Variants in MALT1 observed in about 807,000 individuals in gnomAD.
MALT1 encodes MALT1 paracaspase, also known as mucosa-associated lymphoid tissue lymphoma translocation protein 1.
Under a neutral mutation model 85.5 loss-of-function variants are expected in MALT1, and 36 were observed. That is an observed-to-expected ratio of 0.42 (90% CI 0.32 to 0.56). MALT1 has a LOEUF of 0.56. Ranked by LOEUF, MALT1 falls within the 20% of genes least tolerant of loss-of-function variation. The pLI is 0.10. For missense variants in MALT1, 716 were observed against 981.6 expected (o/e 0.73, Z 3.62); for synonymous variants, 359 against 361.3 (o/e 0.99, Z 0.07).
In MALT1 at chr18:58,747,714, C is replaced by T; in HGVS notation, c.2347C>T (p.Pro783Ser). ...AGATAGCTGTCATTGCAGCCGGACT[C>T]CAGATGCATTTATTTCAAGTTTCGC... ...PADSCHCSRT[P>S]DAFISSFAHH... Residue 783 changes from proline (P) to serine (S), a missense_variant, in exon 17 of 17, where the codon CCA becomes TCA. This residue lies in a region of MALT1 where 260 missense variants were observed against 323.7 expected (regional missense o/e 0.80). Coordinates refer to ENST00000649217, the MANE Select transcript of MALT1 (RefSeq NM_006785.4). 6.2e-7 allele frequency: 1 copy of T among 1,614,112 alleles called. No individual in the cohort carries two copies. Among genetic ancestry groups the T allele is most frequent in the Non-Finnish European group, 8.5e-7 (1 of 1,180,012 alleles).
intron 2 of MALT1, among the ~76,000 whole-genome samples, chr18:58,684,016 C>T (rs940554790): frequency 1.3e-5 from 2 of 152,212 alleles, no homozygotes; most frequent in African/African-American, 4.8e-5. Context: ...ACTGCAACTT[C>T]TGCCTCCGGA....
chr18:58,709,320 T>C, intron 4 of MALT1, 58 bp from the exon 5 acceptor site: 1 of 1,195,846 alleles, frequency 8.4e-7, no homozygotes, highest in Non-Finnish European at 1.1e-6. Context: ...TCTTTAATTA[T>C]AGGGAAATTT....
chr18:58,696,272 T>C, intron 2 of MALT1, 94 bp from the exon 3 acceptor site: 1 of 1,026,056 alleles, frequency 9.7e-7, no homozygotes, highest in Non-Finnish European at 1.3e-6. Context: ...ATGCAAGTTA[T>C]TTCTAAAATG....
intron 2 of MALT1, among the ~76,000 whole-genome samples, chr18:58,685,036 A>T (rs2054380775): frequency 6.6e-6 from 1 of 152,182 alleles, no homozygotes; most frequent in African/African-American, 2.4e-5. Context: ...AGACAAACAT[A>T]TAAAAGATCA....
rs1285547701 is a variant in MALT1 at position 58,710,639 on chromosome 18, TAAAAG to T, written c.926-277_926-273del. Among the ~76,000 whole-genome samples the T allele has an allele frequency of 2.5e-4, 38 of 151,620 alleles. 1 individual carries two copies. The East Asian group carries it at 5.6e-3, about 22-fold the overall frequency. ...GAGGTTGAATTAAAAATAATAATAA[TAAAAG>T]AAAAAGATTTTTAATAAAACATTTT... is the stretch of plus-strand genomic sequence containing the variant. On this transcript the variant is annotated intron_variant, in intron 6 of 16. Transcript: ENST00000649217.
chr18:58,677,177 C>A lies in MALT1; in HGVS notation c.210-3993C>A, dbSNP rs1034005366. On this transcript the variant is annotated intron_variant, in intron 1 of 16. Coordinates refer to ENST00000649217, the MANE Select transcript of MALT1 (RefSeq NM_006785.4). Reference sequence around the variant, plus strand: ...TCTTAGCTGAAAGCCAGTGCCCATACGGAAAATCAGTAAAAACAAAAAGAG... The same window carrying A: ...TCTTAGCTGAAAGCCAGTGCCCATAAGGAAAATCAGTAAAAACAAAAAGAG... 3.8e-5 allele frequency among the ~76,000 whole-genome samples: 5 copies of A among 132,574 alleles called. No individual in the cohort carries two copies. The East Asian group carries it at 8.1e-4, about 21-fold the overall frequency. The allele number at this position is 132,574 out of a possible 152,430, so 87.0% of individuals were successfully genotyped here.
Position 58,709,521 on chromosome 18 carries a change from T to G in MALT1, c.793T>G (p.Leu265Val), listed in dbSNP as rs1159659726. The G allele has an allele frequency of 1.2e-6, 2 of 1,612,096 alleles. No individual in the cohort carries two copies. The highest frequency in any genetic ancestry group is 1.7e-6 in the Non-Finnish European group (2 of 1,179,392). ...IPHYQWFKNE[L>V]PLTHETKKLY... ...TCACTACCAGTGGTTCAAAAATGAA[T>G]TACCATTAACACATGAGACCAAAAA... The change falls in exon 5 of 17, where the codon TTA becomes GTA. Residue 265 changes from leucine (L) to valine (V), a missense_variant. Physicochemically the swap from Leu to Val is conservative, Grantham distance 32. Transcript: ENST00000649217.
intron 10 of MALT1, among the ~76,000 whole-genome samples, chr18:58,731,287 C>G (rs929884342): frequency 1.3e-5 from 2 of 152,136 alleles, no homozygotes; most frequent in Non-Finnish European, 2.9e-5. Context: ...TGGAAGAGTT[C>G]TTTATTCTGG....
rs184830120 is a variant in MALT1 at position 58,722,873 on chromosome 18, A to G, written c.1019-175A>G. Among the ~76,000 whole-genome samples the G allele has an allele frequency of 3.7e-3, 566 of 152,336 alleles. 4 individuals carry two copies. The highest frequency in any genetic ancestry group is 0.013 in the African/African-American group (552 of 41,574). Reference sequence around the variant, plus strand: ...GATGATTTTAGCATCTGTGTTCCTCAGAGAATATTGATCTGCTTACATAAA... The same window carrying G: ...GATGATTTTAGCATCTGTGTTCCTCGGAGAATATTGATCTGCTTACATAAA... On this transcript the variant is annotated intron_variant, in intron 9 of 16. Transcript: ENST00000649217.
At chr18:58,746,119 A>G (rs1172916823) in intron 16 of MALT1, among the ~76,000 whole-genome samples, 1 of 152,120 alleles carries the variant, frequency 6.6e-6, no homozygotes, top group African/African-American at 2.4e-5. Context: ...CTCAGTGCAT[A>G]TGATCCTGCC....
chr18:58,726,941 G>C (rs891304444), intron 10 of MALT1, among the ~76,000 whole-genome samples: 1 of 152,208 alleles, frequency 6.6e-6, no homozygotes, highest in African/African-American at 2.4e-5. Flanking sequence ...TAGCTAGCCT[G>C]GGTTCAAAGC....
At chr18:58,677,304 GT>G (rs34660173) in intron 1 of MALT1, among the ~76,000 whole-genome samples, 1 of 152,056 alleles carries the variant, frequency 6.6e-6, no homozygotes, top group Non-Finnish European at 1.5e-5. Context: ...AAAGCCAAGT[GT>G]TTTTAATTTT....
At position 58,671,580 on chromosome 18, in the gene MALT1, C is replaced by T. The variant is rs1480259921; in HGVS notation, c.-64C>T. ...GCTCGGAGGCGAGCGGAAGGTGCCC[C>T]GGGGCCGAGGCCCGTGACGGGGCGG... On this transcript the variant is annotated 5_prime_UTR_variant, in exon 1 of 17. Coordinates refer to ENST00000649217, the MANE Select transcript of MALT1 (RefSeq NM_006785.4). The T allele has an allele frequency of 1.3e-5, 14 of 1,103,822 alleles. No homozygotes were observed. Among genetic ancestry groups the T allele is most frequent in the Non-Finnish European group, 1.4e-5 (12 of 878,112 alleles). 68.4% of individuals were successfully genotyped at this position (1,103,822 alleles called of 1,614,324 possible). A position where few individuals can be genotyped will look rare whatever the true frequency, so the allele number is the denominator to read the frequency against.
intron 1 of MALT1, among the ~76,000 whole-genome samples, chr18:58,678,311 C>T (rs1018484060): frequency 1.2e-4 from 18 of 152,088 alleles, no homozygotes; most frequent in East Asian, 7.7e-4. Context: ...TCTGTCACAC[C>T]CTGGCACTAT....
chr18:58,725,561 C>T (rs1266799072), intron 10 of MALT1, among the ~76,000 whole-genome samples: 3 of 151,980 alleles, frequency 2.0e-5, no homozygotes, highest in Non-Finnish European at 2.9e-5. Context: ...AAGGTGCCTA[C>T]GTGACATAAA....
chr18:58,674,636 T>G (rs1174481110), intron 1 of MALT1, among the ~76,000 whole-genome samples: 1 of 152,188 alleles, frequency 6.6e-6, no homozygotes, highest in African/African-American at 2.4e-5. Context: ...TTACTCTATT[T>G]AAGACAAAAA....
chr18:58,726,413 G>T (rs1245916880), intron 10 of MALT1, among the ~76,000 whole-genome samples: 2 of 152,100 alleles, frequency 1.3e-5, no homozygotes, highest in African/African-American at 2.4e-5. Flanking sequence ...TGCCTTTACC[G>T]CTAGTTGATA....
intron 1 of MALT1, among the ~76,000 whole-genome samples, chr18:58,676,795 C>T (rs1338756180): frequency 6.6e-6 from 1 of 152,082 alleles, no homozygotes; most frequent in Non-Finnish European, 1.5e-5. Flanking sequence ...GCTGCTGTAT[C>T]CTCAACACCT....
At chr18:58,721,166 G>A (rs971022606) in intron 9 of MALT1, among the ~76,000 whole-genome samples, 1 of 152,152 alleles carries the variant, frequency 6.6e-6, no homozygotes, top group African/African-American at 2.4e-5. Context: ...GATCACCTGA[G>A]GTCAGGAGTT....
Sources: allele counts gnomAD v4.1 joint callset (sites outside exome capture counted in the v4.1 genomes callset), GRCh38; gene constraint gnomAD v4.1.1; regional missense constraint gnomAD v4.1.1; transcripts MANE v1.5; gene names NCBI Gene and HGNC (gene_info 2026-07-23, HGNC 2026-07-21).